EXOC6B: variants seen among roughly 807,000 people sequenced by gnomAD.
The protein encoded by EXOC6B is exocyst complex component 6B, also known as SEC15 homolog B.
A neutral mutation model predicts 113.5 loss-of-function variants in EXOC6B; 54 were observed. The ratio of observed to expected loss-of-function variants is 0.48; its 90% CI spans 0.38 to 0.60. The LOEUF (loss-of-function observed/expected upper bound fraction) is 0.60, where lower values mean the gene tolerates loss of function less well. Ranked by LOEUF, EXOC6B falls within the 20% of genes least tolerant of loss-of-function variation. The probability of loss-of-function intolerance (pLI) is 0.00; values close to 1 mark genes in which losing one functional copy is unlikely to be tolerated. For missense variants in EXOC6B, 797 were observed against 977.5 expected (o/e 0.82, Z 2.46); for synonymous variants, 357 against 339.0 (o/e 1.05, Z -0.58).
intron 6 of EXOC6B, among the ~76,000 whole-genome samples, chr2:72,625,339 T>A (rs1055774864): frequency 6.6e-6 from 1 of 152,034 alleles, no homozygotes; most frequent in Non-Finnish European, 1.5e-5. Flanking sequence ...ATTTATCAAA[T>A]TCTAAATGAA....
At chr2:72,542,581 C>T (rs1377616356) in intron 8 of EXOC6B, among the ~76,000 whole-genome samples, 1 of 152,140 alleles carries the variant, frequency 6.6e-6, no homozygotes, top group African/African-American at 2.4e-5. Context: ...TTCATTACAC[C>T]TGCTATAACC....
At chr2:72,191,627 C>G (rs1678839408) in intron 20 of EXOC6B, among the ~76,000 whole-genome samples, 1 of 152,096 alleles carries the variant, frequency 6.6e-6, no homozygotes, top group African/African-American at 2.4e-5. Context: ...CTGGGAAAGA[C>G]TAGAAAAATC....
chr2:72,553,899 C>T (rs1290894727), intron 8 of EXOC6B, among the ~76,000 whole-genome samples: 1 of 152,036 alleles, frequency 6.6e-6, no homozygotes, highest in South Asian at 2.1e-4. Context: ...ATTGGAGCAA[C>T]ATGAATTCTG....
At chr2:72,425,608 T>C (rs1695159870) in intron 18 of EXOC6B, among the ~76,000 whole-genome samples, 1 of 152,182 alleles carries the variant, frequency 6.6e-6, no homozygotes, top group South Asian at 2.1e-4. Flanking sequence ...TTCTGAACTT[T>C]TTGTCTCAGT....
intron 6 of EXOC6B, among the ~76,000 whole-genome samples, chr2:72,687,304 T>C (rs1005217182): frequency 5.3e-5 from 8 of 152,342 alleles, no homozygotes; most frequent in Non-Finnish European, 8.8e-5. Context: ...GGGCACTATA[T>C]GCAACCTAAC....
intron 18 of EXOC6B, among the ~76,000 whole-genome samples, chr2:72,458,835 T>A (rs1210707553): frequency 6.6e-6 from 1 of 151,962 alleles, no homozygotes; most frequent in African/African-American, 2.4e-5. Context: ...GAGTACAAAG[T>A]GTGGTGCTGA....
At position 72,514,941 on chromosome 2, in the gene EXOC6B, A is replaced by G. The variant is rs182096848; in HGVS notation, c.999+102T>C. On this transcript the variant is annotated intron_variant, in intron 9 of 21. Coordinates refer to ENST00000272427, the MANE Select transcript of EXOC6B (RefSeq NM_015189.3). ...AAAAGTGGTCTCAGAATGACAGTAAACACACACACACAGACACACACACAC... is the reference window on the plus strand; with the variant it reads ...AAAAGTGGTCTCAGAATGACAGTAAGCACACACACACAGACACACACACAC... The G allele has an allele frequency of 2.0e-5, 19 of 942,760 alleles. No homozygotes were observed. The East Asian group carries it at 5.7e-4, about 28-fold the overall frequency. 58.4% of individuals were successfully genotyped at this position (942,760 alleles called of 1,614,324 possible). A position where few individuals can be genotyped will look rare whatever the true frequency, so the allele number is the denominator to read the frequency against.
chr2:72,353,462 C>A (rs1484010744), intron 19 of EXOC6B, among the ~76,000 whole-genome samples: 1 of 151,912 alleles, frequency 6.6e-6, no homozygotes, highest in Non-Finnish European at 1.5e-5. Flanking sequence ...ACCTCTGCCT[C>A]CCAGGTTCAA....
At chr2:72,794,286 C>T (rs927187687) in intron 1 of EXOC6B, among the ~76,000 whole-genome samples, 2 of 152,210 alleles carry the variant, frequency 1.3e-5, no homozygotes, top group Non-Finnish European at 2.9e-5. Context: ...CTGGCAGTCA[C>T]ATGGATCTCT....
In EXOC6B at chr2:72,561,986, G is replaced by A. The variant is rs1385388623; in HGVS notation, c.847-2465C>T. 2.0e-5 allele frequency among the ~76,000 whole-genome samples: 3 copies of A among 152,058 alleles called. No homozygotes were observed. In the East Asian group the frequency reaches 5.8e-4, roughly 29 times the overall value. The stretch of plus-strand genomic sequence containing the variant: ...GAGAAGGGAGTAAAATGGGGCTTCC[G>A]TTCACAACCTTTACCTCTACTCCCA... On this transcript the variant is annotated intron_variant, in intron 7 of 21. Coordinates refer to ENST00000272427, the MANE Select transcript of EXOC6B (RefSeq NM_015189.3).
intron 1 of EXOC6B, among the ~76,000 whole-genome samples, chr2:72,776,782 GGAGA>G (rs577726318): frequency 3.2e-4 from 48 of 151,846 alleles, no homozygotes; most frequent in Non-Finnish European, 6.3e-4. Context: ...CAAAAGGAAA[GGAGA>G]GAAAGAGAAA....
intron 8 of EXOC6B, among the ~76,000 whole-genome samples, chr2:72,539,987 C>G (rs1449864079): frequency 2.2e-5 from 3 of 138,766 alleles, no homozygotes; most frequent in Admixed American, 7.6e-5. Flanking sequence ...GTGATGTTCC[C>G]CTTCCTGTGT....
At chr2:72,386,383 A>G (rs1203768187) in intron 18 of EXOC6B, among the ~76,000 whole-genome samples, 20 of 152,154 alleles carry the variant, frequency 1.3e-4, no homozygotes. Flanking sequence ...GCATAACTAA[A>G]AGGAAGGTAA....
chr2:72,573,177 T>G (rs1176216111), intron 7 of EXOC6B, among the ~76,000 whole-genome samples: 1 of 152,260 alleles, frequency 6.6e-6, no homozygotes, highest in Non-Finnish European at 1.5e-5. Flanking sequence ...TATATCATGG[T>G]TTCAATGATA....
chr2:72,181,527 TAAC>T (rs1365169541), intron 21 of EXOC6B, among the ~76,000 whole-genome samples: 6 of 152,132 alleles, frequency 3.9e-5, no homozygotes, highest in African/African-American at 7.2e-5. Flanking sequence ...ATCTAAACAT[TAAC>T]AACAACAGAA....
At chr2:72,278,791 T>C (rs1361169183) in intron 20 of EXOC6B, among the ~76,000 whole-genome samples, 1 of 152,158 alleles carries the variant, frequency 6.6e-6, no homozygotes, top group Non-Finnish European at 1.5e-5. Context: ...TAGGGCCTCA[T>C]GTGAGACCCT....
intron 18 of EXOC6B, among the ~76,000 whole-genome samples, chr2:72,447,726 T>C (rs1325924713): frequency 6.6e-6 from 1 of 152,178 alleles, no homozygotes; most frequent in Non-Finnish European, 1.5e-5. Context: ...TCTCCAAACT[T>C]TGGTCATGGG....
chr2:72,360,952 T>A (rs995487885), intron 19 of EXOC6B, among the ~76,000 whole-genome samples: 28 of 127,958 alleles, frequency 2.2e-4, no homozygotes, highest in Non-Finnish European at 3.0e-4. Flanking sequence ...AAAAAAAAAA[T>A]TATGGAACTT....
intron 6 of EXOC6B, among the ~76,000 whole-genome samples, chr2:72,673,897 C>T (rs906153451): frequency 6.6e-6 from 1 of 151,686 alleles, no homozygotes; most frequent in African/African-American, 2.4e-5. Flanking sequence ...CTTTTACCAC[C>T]ATCAGCCCTC....
Sources: allele counts gnomAD v4.1 joint callset (sites outside exome capture counted in the v4.1 genomes callset), GRCh38; gene constraint gnomAD v4.1.1; transcripts MANE v1.5; gene names NCBI Gene and HGNC (gene_info 2026-07-23, HGNC 2026-07-21).